Variants in LINGO2 observed in about 807,000 individuals in gnomAD.
LINGO2 encodes the protein leucine-rich repeat and immunoglobulin-like domain-containing nogo receptor-interacting protein 2.
A neutral mutation model predicts 30.6 loss-of-function variants in LINGO2; 14 were observed. The ratio of observed to expected loss-of-function variants is 0.46; its 90% CI spans 0.30 to 0.72. The LOEUF (loss-of-function observed/expected upper bound fraction) is 0.72. Among genes scored for constraint, LINGO2 ranks in the 30% least tolerant of loss-of-function variants. LINGO2 has a pLI of 0.07. For synonymous variants in LINGO2, 317 were observed against 288.5 expected (o/e 1.10, Z -1.00); for missense variants, 729 against 751.7 (o/e 0.97, Z 0.35).
chr9:28,788,399 T>C, the LINGO2 span, among the ~76,000 whole-genome samples: 1 of 152,194 alleles, frequency 6.6e-6, no homozygotes, highest in Non-Finnish European at 1.5e-5. Context: ...GGTGAACAAT[T>C]TGTTAGAAAT....
At chr9:28,916,064 G>A in the LINGO2 span, among the ~76,000 whole-genome samples, 75 of 152,230 alleles carry the variant, frequency 4.9e-4, 1 homozygote, top group African/African-American at 1.8e-3. Flanking sequence ...TGGTGCAAAT[G>A]GGTGGTCAGA....
At chr9:28,116,941 C>G (rs1474439863) in intron 4 of LINGO2, among the ~76,000 whole-genome samples, 3 of 91,666 alleles carry the variant, frequency 3.3e-5, no homozygotes, top group Non-Finnish European at 2.3e-5. Flanking sequence ...CAGCTTTGTT[C>G]TGTTGCTGGT....
chr9:28,408,335 A>G (rs1458555338), intron 2 of LINGO2, among the ~76,000 whole-genome samples: 1 of 152,138 alleles, frequency 6.6e-6, no homozygotes, highest in East Asian at 1.9e-4. Context: ...AACACCAGAA[A>G]TATCTTGAGT....
the LINGO2 span, among the ~76,000 whole-genome samples, chr9:29,057,639 G>A: frequency 1.1e-3 from 168 of 152,190 alleles, no homozygotes; most frequent in Middle Eastern, 0.014. Flanking sequence ...TCAAAGAGAA[G>A]GGTGCTGTGC....
At chr9:28,735,239 C>T in the LINGO2 span, among the ~76,000 whole-genome samples, 1 of 152,158 alleles carries the variant, frequency 6.6e-6, no homozygotes, top group African/African-American at 2.4e-5. Context: ...CTGCTCTGCA[C>T]ACCTCATTGG....
At chr9:28,233,366 T>C (rs1428483304) in intron 4 of LINGO2, among the ~76,000 whole-genome samples, 3 of 152,068 alleles carry the variant, frequency 2.0e-5, no homozygotes, top group Admixed American at 6.6e-5. Flanking sequence ...TTAAGTCAAA[T>C]TGGCAGAAAC....
the LINGO2 span, among the ~76,000 whole-genome samples, chr9:28,759,664 A>G: frequency 1.3e-5 from 2 of 151,678 alleles, no homozygotes; most frequent in African/African-American, 4.9e-5. Flanking sequence ...CCTGGGCGAT[A>G]GAGCAAGAAT....
At chr9:28,658,160 C>T (rs1421417737) in intron 1 of LINGO2, among the ~76,000 whole-genome samples, 1 of 151,816 alleles carries the variant, frequency 6.6e-6, no homozygotes, top group Non-Finnish European at 1.5e-5. Context: ...TGCTTATTAC[C>T]TAATATATGG....
chr9:28,576,222 C>G (rs1182364753), intron 1 of LINGO2, among the ~76,000 whole-genome samples: 1 of 152,150 alleles, frequency 6.6e-6, no homozygotes, highest in East Asian at 1.9e-4. Flanking sequence ...GCATGGCTGA[C>G]CGGAAGCTGC....
chr9:29,210,440 A>C, the LINGO2 span, among the ~76,000 whole-genome samples: 1 of 152,206 alleles, frequency 6.6e-6, no homozygotes, highest in Non-Finnish European at 1.5e-5. Flanking sequence ...ATTAGTGTAT[A>C]TATAAGTTGT....
At chr9:27,947,785 C>G (rs1230379385), downstream of LINGO2, among the ~76,000 whole-genome samples, 1 of 152,308 alleles carries the variant, frequency 6.6e-6, no homozygotes, top group Non-Finnish European at 1.5e-5. Flanking sequence ...GAGAAGAACT[C>G]TTTCTTATTC....
chr9:28,733,310 A>G, the LINGO2 span, among the ~76,000 whole-genome samples: 1 of 152,134 alleles, frequency 6.6e-6, no homozygotes. Context: ...GTCATACGTA[A>G]AGAGATACAA....
At chr9:28,305,164 C>G (rs1443270036) in intron 3 of LINGO2, among the ~76,000 whole-genome samples, 1 of 151,914 alleles carries the variant, frequency 6.6e-6, no homozygotes, top group Non-Finnish European at 1.5e-5. Context: ...AAGCATTTGA[C>G]AAAATTCAAC....
intron 4 of LINGO2, among the ~76,000 whole-genome samples, chr9:28,063,829 A>G (rs991136875): frequency 6.6e-6 from 1 of 152,124 alleles, no homozygotes; most frequent in Admixed American, 6.6e-5. Flanking sequence ...CTTCATTATA[A>G]TTGATATTGT....
chr9:29,079,586 C>A, the LINGO2 span, among the ~76,000 whole-genome samples: 1 of 151,746 alleles, frequency 6.6e-6, no homozygotes, highest in African/African-American at 2.4e-5. Context: ...AGGTGAGAAG[C>A]CTATGGAAAA....
At chr9:28,996,872 G>A in the LINGO2 span, among the ~76,000 whole-genome samples, 3 of 152,218 alleles carry the variant, frequency 2.0e-5, no homozygotes, top group South Asian at 4.1e-4. Context: ...AATATTTTAT[G>A]AACATATAAT....
chr9:28,844,232 C>G, the LINGO2 span, among the ~76,000 whole-genome samples: 1 of 151,840 alleles, frequency 6.6e-6, no homozygotes, highest in East Asian at 1.9e-4. Context: ...CATGGCGGCG[C>G]ACACCTGTTG....
At chr9:28,364,044 G>A (rs1359581086) in intron 3 of LINGO2, among the ~76,000 whole-genome samples, 1 of 151,376 alleles carries the variant, frequency 6.6e-6, no homozygotes, top group Non-Finnish European at 1.5e-5. Flanking sequence ...GTTACCCCTG[G>A]TAGTCATGTG....
chr9:28,098,171 G>GCCAAGACAAGGAT (rs1826303102), intron 4 of LINGO2, among the ~76,000 whole-genome samples: 1 of 152,024 alleles, frequency 6.6e-6, no homozygotes, highest in Non-Finnish European at 1.5e-5. Context: ...TGGGTGTGGT[G>GCCAAGACAAGGAT]GCATCCACCT....
Sources: allele counts gnomAD v4.1 joint callset (sites outside exome capture counted in the v4.1 genomes callset), GRCh38; gene constraint gnomAD v4.1.1; transcripts MANE v1.5; gene names NCBI Gene and HGNC (gene_info 2026-07-23, HGNC 2026-07-21).